Variants in FOXP1 observed in about 807,000 individuals in gnomAD.
FOXP1 encodes forkhead box protein P1.
Under a neutral mutation model 98.2 loss-of-function variants are expected in FOXP1, and 15 were observed. The ratio of observed to expected loss-of-function variants is 0.15; its 90% CI spans 0.10 to 0.24. The LOEUF (loss-of-function observed/expected upper bound fraction) is 0.24, where lower values mean the gene tolerates loss of function less well. Ranked by LOEUF, FOXP1 falls within the 10% of genes least tolerant of loss-of-function variation. The pLI, the probability that FOXP1 is intolerant of heterozygous loss-of-function variation, is 1.00. For synonymous variants in FOXP1, 371 were observed against 314.5 expected, an observed-to-expected ratio of 1.18 and a Z score of -1.90; for missense variants, 633 against 848.5, an observed-to-expected ratio of 0.75 and a Z score of 3.15.
At chr3:71,393,664 C>G (rs2081188060) in intron 3 of FOXP1, among the ~76,000 whole-genome samples, 1 of 152,124 alleles carries the variant, frequency 6.6e-6, no homozygotes, top group African/African-American at 2.4e-5. Flanking sequence ...GATTTCTAAG[C>G]AAAATGCAAA....
chr3:71,361,242 C>T (rs971258664), intron 3 of FOXP1, among the ~76,000 whole-genome samples: 1 of 152,112 alleles, frequency 6.6e-6, no homozygotes, highest in African/African-American at 2.4e-5. Context: ...CCATTGTCAT[C>T]GACTTATCAG....
intron 6 of FOXP1, among the ~76,000 whole-genome samples, chr3:71,122,627 C>T (rs1406015893): frequency 6.6e-6 from 1 of 152,128 alleles, no homozygotes; most frequent in African/African-American, 2.4e-5. Flanking sequence ...AGACACTGTG[C>T]TAGTTAAGGT....
At chr3:71,173,635 T>C (rs941267231) in intron 6 of FOXP1, among the ~76,000 whole-genome samples, 2 of 152,020 alleles carry the variant, frequency 1.3e-5, no homozygotes, top group African/African-American at 4.8e-5. Context: ...TGGGTGACAA[T>C]AGGCCAGTTC....
intron 6 of FOXP1, among the ~76,000 whole-genome samples, chr3:71,192,788 C>A (rs949029110): frequency 2.1e-4 from 32 of 151,616 alleles, no homozygotes; most frequent in African/African-American, 7.3e-4. Context: ...TAGCTGGGAC[C>A]ACAGGCATGT....
At chr3:71,553,772 T>G (rs919256115) in intron 2 of FOXP1, among the ~76,000 whole-genome samples, 6 of 152,224 alleles carry the variant, frequency 3.9e-5, no homozygotes, top group African/African-American at 1.4e-4. Context: ...TTTCTCAAAG[T>G]CTCAAACATT....
At chr3:71,372,372 T>G (rs1016510218) in intron 3 of FOXP1, among the ~76,000 whole-genome samples, 1 of 152,142 alleles carries the variant, frequency 6.6e-6, no homozygotes, top group Non-Finnish European at 1.5e-5. Context: ...CCAAGAGGCC[T>G]TCCCTGGCTA....
chr3:71,284,588 C>G (rs1014183758), intron 5 of FOXP1, among the ~76,000 whole-genome samples: 1 of 151,996 alleles, frequency 6.6e-6, no homozygotes, highest in Admixed American at 6.6e-5. Flanking sequence ...TATTTGTGCA[C>G]AAATATGCCA....
chr3:70,987,207 A>T (rs955597512), intron 14 of FOXP1, among the ~76,000 whole-genome samples: 2 of 150,332 alleles, frequency 1.3e-5, no homozygotes, highest in African/African-American at 4.8e-5. Flanking sequence ...AGCTACTAGG[A>T]GAATTTTAGA....
At chr3:71,559,864 C>CG (rs1014061286) in intron 2 of FOXP1, among the ~76,000 whole-genome samples, 11 of 145,818 alleles carry the variant, frequency 7.5e-5, no homozygotes, top group Admixed American at 2.8e-4. Flanking sequence ...CTGGGGGTTG[C>CG]GGGGGGGACC....
At chr3:71,522,194 C>T (rs6803008) in intron 2 of FOXP1, among the ~76,000 whole-genome samples, 49,595 of 152,074 alleles carry the variant, frequency 0.33, 9,389 homozygotes, top group Non-Finnish European at 0.43. Context: ...TGGGCAGCTG[C>T]CCAATGACAG....
At chr3:71,541,534 T>G (rs1036746289) in intron 2 of FOXP1, among the ~76,000 whole-genome samples, 1 of 152,186 alleles carries the variant, frequency 6.6e-6, no homozygotes, top group Admixed American at 6.5e-5. Context: ...CATCTGGCTC[T>G]TCAGAACAAA....
chr3:71,475,660 T>A (rs1303083172), intron 3 of FOXP1, among the ~76,000 whole-genome samples: 10 of 152,056 alleles, frequency 6.6e-5, no homozygotes, highest in Non-Finnish European at 1.3e-4. Flanking sequence ...CTGGCCAACA[T>A]GGTGAAACTC....
chr3:71,531,014 A>T (rs957815460), intron 2 of FOXP1, among the ~76,000 whole-genome samples: 1 of 143,846 alleles, frequency 7.0e-6, no homozygotes, highest in African/African-American at 2.5e-5. Flanking sequence ...TTCCTACAGC[A>T]CCATCTAAAT....
chr3:71,154,125 T>C (rs2060709830), intron 6 of FOXP1, among the ~76,000 whole-genome samples: 1 of 152,008 alleles, frequency 6.6e-6, no homozygotes, highest in Non-Finnish European at 1.5e-5. Flanking sequence ...TAATAATAAT[T>C]GAATGTATTT....
chr3:71,287,009 A>G (rs1444221607), intron 5 of FOXP1, among the ~76,000 whole-genome samples: 2 of 152,250 alleles, frequency 1.3e-5, no homozygotes, highest in Non-Finnish European at 2.9e-5. Context: ...AGTTGCAGGT[A>G]TAGAAAACAC....
chr3:71,304,730 C>T (rs2107588351), intron 4 of FOXP1: 1 of 152,294 alleles, frequency 6.6e-6, no homozygotes, highest in African/African-American at 2.4e-5. Flanking sequence ...AGCAGCCTCA[C>T]TGTTAATAAA....
intron 7 of FOXP1, among the ~76,000 whole-genome samples, chr3:71,108,938 T>C (rs2057678153): frequency 6.6e-6 from 1 of 152,256 alleles, no homozygotes; most frequent in South Asian, 2.1e-4. Flanking sequence ...GTTCACCAAC[T>C]TGCACTTAAT....
At chr3:70,982,072 T>C (rs1490652706) in intron 14 of FOXP1, among the ~76,000 whole-genome samples, 1 of 152,132 alleles carries the variant, frequency 6.6e-6, no homozygotes, top group Non-Finnish European at 1.5e-5. Context: ...AAGGGAAGGT[T>C]GAGAGAGAAA....
At chr3:71,582,782 G>T (rs1420834738) in intron 1 of FOXP1, 8 of 985,368 alleles carry the variant, frequency 8.1e-6, no homozygotes, top group Non-Finnish European at 9.6e-6. Flanking sequence ...CTGGCTGGGG[G>T]TGCGCAGGTG....
Sources: gnomAD v4.1 joint callset for allele counts (sites outside exome capture counted in the v4.1 genomes callset) on GRCh38, gnomAD v4.1.1 for gene constraint, MANE v1.5 for transcripts, NCBI Gene and HGNC (gene_info 2026-07-23, HGNC 2026-07-21) for gene names.